The following DNAJC10 variants were observed in gnomAD, a reference collection of about 807,000 sequenced individuals.
DNAJC10 encodes DnaJ heat shock protein family (Hsp40) member C10.
In DNAJC10, 101 loss-of-function variants were observed where a neutral mutation model predicts 115.0. That is an observed-to-expected ratio of 0.88 (90% CI 0.75 to 1.04). DNAJC10 has a LOEUF of 1.04. DNAJC10 is among the 50% of genes least tolerant of loss of function. DNAJC10 has a pLI of 0.00. For missense variants in DNAJC10, 981 were observed against 928.8 expected, an observed-to-expected ratio of 1.06 and a Z score of -0.73; for synonymous variants, 307 against 301.5, an observed-to-expected ratio of 1.02 and a Z score of -0.19.
chr2:182,750,662 AT>A (rs948204997), intron 14 of DNAJC10, among the ~76,000 whole-genome samples: 2 of 152,198 alleles, frequency 1.3e-5, no homozygotes, highest in African/African-American at 4.8e-5. Flanking sequence ...AGTATAGCCT[AT>A]TGCTCTTAGG....
rs745321763 is a variant in DNAJC10, at chr2:182,728,622, C to T, written c.465C>T (p.Ser155=). 3 of 1,612,576 alleles carry T rather than the reference C, an allele frequency of 1.9e-6. No individual in the cohort carries two copies. The African/African-American group carries it at 4.0e-5, about 22-fold the overall frequency. ...SGELWFVNFY[S]PGCSHCHDLA... is the part of the protein sequence containing the mutation. ...AACTGTGGTTTGTAAATTTTTACTCCCCAGGCTGTTCACACTGCCATGATT... is the reference window on the plus strand; with the variant it reads ...AACTGTGGTTTGTAAATTTTTACTCTCCAGGCTGTTCACACTGCCATGATT... The change falls in exon 6 of 24, where the codon TCC becomes TCT. Residue 155 remains serine (S), a synonymous_variant. Coordinates refer to ENST00000264065, the MANE Select transcript of DNAJC10 (RefSeq NM_018981.4).
At position 182,740,307 on chromosome 2, in the gene DNAJC10, C is replaced by G; in HGVS notation, c.996C>G (p.Asn332Lys). 4.8e-6 allele frequency: 7 copies of G among 1,465,824 alleles called. No individual in the cohort carries two copies. The highest frequency in any genetic ancestry group is 6.5e-6 in the Non-Finnish European group (7 of 1,081,974). 90.8% of individuals were successfully genotyped at this position (1,465,824 alleles called of 1,614,324 possible). ...NKEKNSILFL[N>K]SLDAKEIYLE... Reference sequence around the variant, plus strand: ...TGATTTTCTTTTTCTAGTTTCTCAACTCATTGGATGCTAAAGAAATATATT... The same window carrying G: ...TGATTTTCTTTTTCTAGTTTCTCAAGTCATTGGATGCTAAAGAAATATATT... Residue 332 changes from asparagine (N) to lysine (K), a missense_variant, in exon 12 of 24, where the codon AAC (asparagine) becomes AAG (lysine). Asn to Lys is a moderately conservative substitution (Grantham distance 94). Transcript: ENST00000264065.
At chr2:182,719,941 T>C (rs1225188213) in intron 3 of DNAJC10, 66 bp from the exon 4 acceptor site, 4 of 953,582 alleles carry the variant, frequency 4.2e-6, no homozygotes, top group South Asian at 1.7e-5. Context: ...AACCTACATA[T>C]ATGTTTTGAA....
chr2:182,746,186 G>T (rs926089218), intron 14 of DNAJC10, among the ~76,000 whole-genome samples: 1 of 152,068 alleles, frequency 6.6e-6, no homozygotes, highest in Non-Finnish European at 1.5e-5. Flanking sequence ...GAATAATGCC[G>T]CAATAAACAT....
At chr2:182,733,190 G>A (rs976290221) in intron 10 of DNAJC10, among the ~76,000 whole-genome samples, 4 of 151,814 alleles carry the variant, frequency 2.6e-5, no homozygotes, top group Non-Finnish European at 2.9e-5. Flanking sequence ...TTATATTTCT[G>A]TCAGTTCTTC....
rs1694831325 is a variant in DNAJC10, at chr2:182,780,969, TG to T, written c.*3838del. On this transcript the variant is annotated 3_prime_UTR_variant, in exon 24 of 24. Coordinates refer to ENST00000264065, the MANE Select transcript of DNAJC10 (RefSeq NM_018981.4). ...TAGACAATCTTCATTAAGCAACTGC[TG>T]TTTTTTTTTTTTAATACTTCAAGTT... 1 of 79,394 alleles carries T rather than the reference TG, an allele frequency of 1.3e-5. No individual in the cohort carries two copies. The highest frequency in any genetic ancestry group is 2.5e-5 in the Non-Finnish European group (1 of 39,832). 4.9% of individuals were successfully genotyped at this position (79,394 alleles called of 1,614,324 possible).
chr2:182,754,004 T>C (rs2105673064), intron 16 of DNAJC10, among the ~76,000 whole-genome samples: 1 of 152,310 alleles, frequency 6.6e-6, no homozygotes, highest in Non-Finnish European at 1.5e-5. Context: ...ACTCACCAAT[T>C]AGTTGCCACT....
Position 182,789,527 on chromosome 2 carries a change from C to A in DNAJC10, c.*12395C>A, listed in dbSNP as rs1241979537. ...TGAGCCACCGCACCCAGCCAATTTT[C>A]TTCCTTTTTAAGGCTGAATAATATT... On this transcript the variant is annotated 3_prime_UTR_variant, in exon 24 of 24. Coordinates refer to ENST00000264065, the MANE Select transcript of DNAJC10 (RefSeq NM_018981.4). 2 of 152,182 alleles carry A rather than the reference C, an allele frequency of 1.3e-5. No homozygotes were observed. Among genetic ancestry groups the A allele is most frequent in the Non-Finnish European group, 1.5e-5 (1 of 68,032 alleles). The allele number at this position is 152,182 out of a possible 1,614,324, so 9.4% of individuals were successfully genotyped here.
chr2:182,754,952 C>A, intron 16 of DNAJC10, 51 bp from the exon 17 acceptor site: 2 of 1,381,188 alleles, frequency 1.4e-6, no homozygotes, highest in Non-Finnish European at 2.0e-6. Flanking sequence ...AAATTTGTAA[C>A]AAATAGGTGA....
chr2:182,750,349 G>A (rs759758121), intron 14 of DNAJC10, among the ~76,000 whole-genome samples: 1 of 152,118 alleles, frequency 6.6e-6, no homozygotes, highest in Non-Finnish European at 1.5e-5. Flanking sequence ...GTTGGAAATG[G>A]TAAGAGATGG....
At chr2:182,723,509 T>A (rs1007012455) in intron 5 of DNAJC10, among the ~76,000 whole-genome samples, 1 of 152,164 alleles carries the variant, frequency 6.6e-6, no homozygotes, top group African/African-American at 2.4e-5. Flanking sequence ...ATAAGACAAT[T>A]TGATTCATTT....
chr2:182,726,661 C>G (rs1437578561), intron 5 of DNAJC10, among the ~76,000 whole-genome samples: 1 of 152,210 alleles, frequency 6.6e-6, no homozygotes, highest in South Asian at 2.1e-4. Context: ...CCACCCTGAT[C>G]AGTCAGCACC....
intron 3 of DNAJC10, 26 bp downstream of exon 3, chr2:182,718,316 T>G (rs1271424185): frequency 2.0e-6 from 3 of 1,518,622 alleles, no homozygotes; most frequent in Non-Finnish European, 2.7e-6. Flanking sequence ...TTTTTAAAAA[T>G]ATTTGATTAT....
intron 14 of DNAJC10, among the ~76,000 whole-genome samples, chr2:182,744,520 A>C (rs1326424997): frequency 6.6e-6 from 1 of 152,222 alleles, no homozygotes; most frequent in Non-Finnish European, 1.5e-5. Flanking sequence ...ATTTGAATTG[A>C]GCATAAAGTG....
chr2:182,728,614 T>G lies in DNAJC10; in HGVS notation c.457T>G (p.Phe153Val), dbSNP rs769636496. Residue 153 changes from phenylalanine to valine, a missense_variant, in exon 6 of 24, where the codon TTT (phenylalanine) becomes GTT (valine). By Grantham distance (50) the Phe-to-Val change is conservative. Coordinates refer to ENST00000264065, the MANE Select transcript of DNAJC10 (RefSeq NM_018981.4). ...VNSGELWFVN[F>V]YSPGCSHCHD... Reference sequence around the variant, plus strand: ...TTCTGGAGAACTGTGGTTTGTAAATTTTTACTCCCCAGGCTGTTCACACTG... The same window carrying G: ...TTCTGGAGAACTGTGGTTTGTAAATGTTTACTCCCCAGGCTGTTCACACTG... The G allele has an allele frequency of 3.1e-6, 5 of 1,612,596 alleles. No individual in the cohort carries two copies. The highest frequency in any genetic ancestry group is 4.2e-6 in the Non-Finnish European group (5 of 1,179,258).
chr2:182,746,150 G>T (rs1026658300), intron 14 of DNAJC10, among the ~76,000 whole-genome samples: 1 of 152,114 alleles, frequency 6.6e-6, no homozygotes, highest in Non-Finnish European at 1.5e-5. Context: ...TGGACATTTG[G>T]GTTGGTTCCA....
chr2:182,752,251 T>C (rs1574943391), intron 16 of DNAJC10, 63 bp downstream of exon 16: 1 of 823,098 alleles, frequency 1.2e-6, no homozygotes. Context: ...TTTGGCTGTT[T>C]ATTATTAAAA....
intron 21 of DNAJC10, among the ~76,000 whole-genome samples, chr2:182,760,886 T>C (rs972178451): frequency 2.6e-5 from 4 of 152,212 alleles, no homozygotes; most frequent in African/African-American, 9.6e-5. Context: ...TCCATTCTAA[T>C]CTTCTTATGC....
rs1178585796 is a variant in DNAJC10, at chr2:182,762,750, T to A, written c.2214T>A (p.Ala738=). ...CTTATGCTCAGACATGCCAGAAAGC[T>A]GGGATCAGGGCCTATCCAACTGTTA... ...CQAYAQTCQK[A]GIRAYPTVKF... is the part of the protein sequence containing the mutation. The change falls in exon 22 of 24, where the codon GCT becomes GCA. Residue 738 remains alanine (A), a synonymous_variant. Coordinates refer to ENST00000264065, the MANE Select transcript of DNAJC10 (RefSeq NM_018981.4). 1 of 1,612,582 alleles carries A rather than the reference T, an allele frequency of 6.2e-7. No homozygotes were observed. The highest frequency in any genetic ancestry group is 1.3e-5 in the African/African-American group (1 of 74,858).
Sources: allele counts gnomAD v4.1 joint callset (sites outside exome capture counted in the v4.1 genomes callset), GRCh38; gene constraint gnomAD v4.1.1; transcripts MANE v1.5; gene names NCBI Gene and HGNC (gene_info 2026-07-23, HGNC 2026-07-21).